The following SMOC2 variants were observed in gnomAD, a reference collection of about 807,000 sequenced individuals.
The protein encoded by SMOC2 is SPARC-related modular calcium-binding protein 2.
In SMOC2, 39 loss-of-function variants were observed where a neutral mutation model predicts 61.4. That is an observed-to-expected ratio of 0.64 (90% CI 0.49 to 0.83). The LOEUF (loss-of-function observed/expected upper bound fraction) is 0.83, where lower values mean the gene tolerates loss of function less well. Among genes scored for constraint, SMOC2 ranks in the 40% least tolerant of loss-of-function variants. The probability of loss-of-function intolerance (pLI) is 0.00; values close to 1 mark genes in which losing one functional copy is unlikely to be tolerated. For synonymous variants in SMOC2, 247 were observed against 239.9 expected (o/e 1.03, Z -0.27); for missense variants, 556 against 592.9 (o/e 0.94, Z 0.65).
At chr6:168,516,915 T>C (rs1334881008) in intron 2 of SMOC2, among the ~76,000 whole-genome samples, 1 of 152,074 alleles carries the variant, frequency 6.6e-6, no homozygotes, top group Non-Finnish European at 1.5e-5. Flanking sequence ...GATCGTGCCA[T>C]TGCATTCCAG....
chr6:168,465,529 T>C (rs1781808444), intron 1 of SMOC2, among the ~76,000 whole-genome samples: 1 of 151,608 alleles, frequency 6.6e-6, no homozygotes, highest in Admixed American at 6.6e-5. Context: ...GTAGGAATCA[T>C]TCTGGGTGCA....
intron 1 of SMOC2, among the ~76,000 whole-genome samples, chr6:168,477,628 AG>A (rs1475062307): frequency 6.6e-6 from 1 of 152,164 alleles, no homozygotes; most frequent in East Asian, 1.9e-4. Flanking sequence ...GTGATGAAGC[AG>A]GGTTGTTTCT....
intron 9 of SMOC2, among the ~76,000 whole-genome samples, chr6:168,613,249 G>A (rs1384159357): frequency 6.6e-6 from 1 of 152,186 alleles, no homozygotes; most frequent in Non-Finnish European, 1.5e-5. Context: ...TGCAGGGGAA[G>A]TCTGACGTAT....
chr6:168,656,935 G>C (rs1290312909), intron 11 of SMOC2, among the ~76,000 whole-genome samples: 2 of 152,238 alleles, frequency 1.3e-5, no homozygotes, highest in Non-Finnish European at 2.9e-5. Context: ...GCTGCCCCCT[G>C]TGCTGGCCCG....
intron 9 of SMOC2, among the ~76,000 whole-genome samples, chr6:168,615,831 A>G (rs1327162630): frequency 2.0e-5 from 3 of 152,346 alleles, no homozygotes; most frequent in South Asian, 2.1e-4. Context: ...TCTTTGACTC[A>G]TGTAGAAACC....
intron 4 of SMOC2, among the ~76,000 whole-genome samples, chr6:168,539,841 C>G (rs1037953585): frequency 1.3e-5 from 2 of 152,180 alleles, no homozygotes; most frequent in African/African-American, 4.8e-5. Flanking sequence ...CCTTTCTGCT[C>G]AAAGTCAGCT....
intron 7 of SMOC2, among the ~76,000 whole-genome samples, chr6:168,551,422 A>ATTTT (rs1304394167): frequency 2.9e-5 from 4 of 140,060 alleles, no homozygotes; most frequent in African/African-American, 5.4e-5. Context: ...AATATACTTT[A>ATTTT]TTTTATTTAT....
chr6:168,513,259 TATCTC>T (rs1000575619), intron 2 of SMOC2, among the ~76,000 whole-genome samples: 2 of 152,262 alleles, frequency 1.3e-5, no homozygotes, highest in African/African-American at 4.8e-5. Flanking sequence ...CATCCATTCT[TATCTC>T]AAAGAAAAGG....
chr6:168,623,325 ATTAATTTTT>A (rs1562388857), intron 9 of SMOC2, among the ~76,000 whole-genome samples: 1 of 82,052 alleles, frequency 1.2e-5, no homozygotes, highest in Non-Finnish European at 2.7e-5. Flanking sequence ...GACATGGATA[ATTAATTTTT>A]TTTTTTTTTT....
chr6:168,513,254 A>G (rs1783050917), intron 2 of SMOC2, among the ~76,000 whole-genome samples: 1 of 152,240 alleles, frequency 6.6e-6, no homozygotes, highest in Non-Finnish European at 1.5e-5. Flanking sequence ...CTAAGCATCC[A>G]TTCTTATCTC....
chr6:168,660,011 G>A (rs796515009), intron 11 of SMOC2, among the ~76,000 whole-genome samples: 3 of 6,286 alleles, frequency 4.8e-4, no homozygotes, highest in East Asian at 3.2e-3. Flanking sequence ...TCTGGGTGAG[G>A]GTGGAGGTTG....
intron 9 of SMOC2, among the ~76,000 whole-genome samples, chr6:168,629,706 T>G (rs1193067907): frequency 1.3e-5 from 2 of 152,092 alleles, no homozygotes; most frequent in African/African-American, 4.8e-5. Context: ...TAAGCAGATG[T>G]GGACTGAGTG....
In SMOC2 at chr6:168,563,088, G is replaced by A. The variant is rs1784459309; in HGVS notation, c.637+13885G>A. Among the ~76,000 whole-genome samples, 3 of 152,348 alleles carry A rather than the reference G, an allele frequency of 2.0e-5. 1 individual carries two copies. Among genetic ancestry groups the A allele is most frequent in the Non-Finnish European group, 4.4e-5 (3 of 68,026 alleles). Reference sequence around the variant, plus strand: ...CGGCTTGGGAAGCAGCTGGGCACCTGTGCCACAGCCGCCACAGACTCAGCC... The same window carrying A: ...CGGCTTGGGAAGCAGCTGGGCACCTATGCCACAGCCGCCACAGACTCAGCC... On this transcript the variant is annotated intron_variant, in intron 7 of 12. Coordinates refer to ENST00000356284, the MANE Select transcript of SMOC2 (RefSeq NM_001166412.2).
intron 2 of SMOC2, among the ~76,000 whole-genome samples, chr6:168,521,212 G>A (rs1783321203): frequency 6.6e-6 from 1 of 151,890 alleles, no homozygotes; most frequent in Non-Finnish European, 1.5e-5. Flanking sequence ...ATGGTGGCAC[G>A]ATCTCGGCTC....
At chr6:168,623,467 C>T (rs1278354652) in intron 9 of SMOC2, among the ~76,000 whole-genome samples, 2 of 145,272 alleles carry the variant, frequency 1.4e-5, no homozygotes, top group Middle Eastern at 3.3e-3. Flanking sequence ...TAGGACTACA[C>T]ACCACCCCAC....
chr6:168,622,119 C>G (rs1364624784), intron 9 of SMOC2, among the ~76,000 whole-genome samples: 1 of 152,074 alleles, frequency 6.6e-6, no homozygotes, highest in African/African-American at 2.4e-5. Context: ...GCGCCTGCCA[C>G]CACGCCTGGC....
intron 9 of SMOC2, among the ~76,000 whole-genome samples, chr6:168,613,716 C>A (rs1358952678): frequency 2.2e-5 from 3 of 134,408 alleles, no homozygotes; most frequent in African/African-American, 8.5e-5. Context: ...CAGCACAGGG[C>A]CTCTTCACAC....
chr6:168,441,242 G>A lies in SMOC2; in HGVS notation c.-129G>A. ...CTGCTCCAGCCGGGCCGCCGGGAGC[G>A]GTGGGGAGAGCATCGCGGAGCCGCC... On this transcript the variant is annotated 5_prime_UTR_variant, in exon 1 of 13. Transcript: ENST00000356284. The A allele has an allele frequency of 3.8e-6, 5 of 1,321,920 alleles. No homozygotes were observed. Among genetic ancestry groups the A allele is most frequent in the Non-Finnish European group, 4.8e-6 (5 of 1,036,142 alleles). 81.9% of individuals were successfully genotyped at this position (1,321,920 alleles called of 1,614,324 possible). A position where few individuals can be genotyped will look rare whatever the true frequency, so the allele number is the denominator to read the frequency against.
intron 2 of SMOC2, among the ~76,000 whole-genome samples, chr6:168,518,231 A>G (rs1370247337): frequency 6.6e-6 from 1 of 152,090 alleles, no homozygotes; most frequent in East Asian, 1.9e-4. Flanking sequence ...CGACCTGTTC[A>G]TTTTCCTCAG....
Sources: gnomAD v4.1 joint callset for allele counts (sites outside exome capture counted in the v4.1 genomes callset) on GRCh38, gnomAD v4.1.1 for gene constraint, MANE v1.5 for transcripts, NCBI Gene and HGNC (gene_info 2026-07-23, HGNC 2026-07-21) for gene names.